The following PTPRD variants were observed in gnomAD, a reference collection of about 807,000 sequenced individuals.
PTPRD encodes protein tyrosine phosphatase receptor type D, also known as receptor-type tyrosine-protein phosphatase delta.
In PTPRD, 34 loss-of-function variants were observed where a neutral mutation model predicts 214.5. The ratio of observed to expected loss-of-function variants is 0.16; its 90% confidence interval spans 0.12 to 0.21. PTPRD has a LOEUF of 0.21. PTPRD is among the 10% of genes least tolerant of loss of function. The pLI, the probability that PTPRD is intolerant of heterozygous loss-of-function variation, is 1.00. For missense variants in PTPRD, 2,545 were observed against 2,398.7 expected (o/e 1.06, Z -1.27); for synonymous variants, 1,128 against 845.7 (o/e 1.33, Z -5.79).
At chr9:9,736,169 T>C (rs781210594) in intron 6 of PTPRD, among the ~76,000 whole-genome samples, 8 of 152,158 alleles carry the variant, frequency 5.3e-5, no homozygotes, top group East Asian at 1.9e-4. Context: ...ATTGAATATA[T>C]TGTACACTGT....
intron 4 of PTPRD, among the ~76,000 whole-genome samples, chr9:10,030,497 C>G (rs1238232482): frequency 6.6e-6 from 1 of 152,014 alleles, no homozygotes; most frequent in African/African-American, 2.4e-5. Context: ...ACCCTTGAAG[C>G]TACAAGAGTA....
chr9:9,330,999 T>C (rs2136538128), intron 9 of PTPRD, among the ~76,000 whole-genome samples: 1 of 152,040 alleles, frequency 6.6e-6, no homozygotes, highest in South Asian at 2.1e-4. Context: ...AGAGTAAATC[T>C]GGTCATTTGG....
At position 9,634,771 on chromosome 9, in the gene PTPRD, T is replaced by C. The variant is rs140273920; in HGVS notation, c.-286-59990A>G. 2.0e-5 allele frequency among the ~76,000 whole-genome samples: 3 copies of C among 152,286 alleles called. No individual in the cohort carries two copies. The East Asian group carries it at 5.8e-4, about 29-fold the overall frequency. Reference sequence around the variant, plus strand: ...GTATATATTTTAATTTGAATGTGTATAGAGTTAAGTGTATAATATAACATC... The same window carrying C: ...GTATATATTTTAATTTGAATGTGTACAGAGTTAAGTGTATAATATAACATC... On this transcript the variant is annotated intron_variant, in intron 7 of 45. Transcript: ENST00000381196.
At chr9:9,653,304 T>C (rs1289180248) in intron 7 of PTPRD, among the ~76,000 whole-genome samples, 1 of 119,032 alleles carries the variant, frequency 8.4e-6, no homozygotes, top group African/African-American at 3.2e-5. Context: ...ATTGCGCCAC[T>C]GCAGTCCGCA....
chr9:9,719,799 G>A (rs76354318), intron 7 of PTPRD, among the ~76,000 whole-genome samples: 31 of 152,268 alleles, frequency 2.0e-4, no homozygotes, highest in African/African-American at 7.0e-4. Context: ...GCTTTCAGGC[G>A]CACTGCATTC....
intron 8 of PTPRD, among the ~76,000 whole-genome samples, chr9:9,452,870 C>T (rs2092439752): frequency 6.6e-6 from 1 of 151,420 alleles, no homozygotes; most frequent in African/African-American, 2.4e-5. Context: ...ATTTTATTTG[C>T]TCAAGCTCTT....
intron 31 of PTPRD, among the ~76,000 whole-genome samples, chr9:8,467,799 C>T (rs976528622): frequency 6.6e-6 from 1 of 151,398 alleles, no homozygotes; most frequent in Non-Finnish European, 1.5e-5. Flanking sequence ...AAATCCGATA[C>T]CAAATATTTA....
At chr9:10,040,144 C>T (rs2097268884) in intron 3 of PTPRD, among the ~76,000 whole-genome samples, 1 of 151,890 alleles carries the variant, frequency 6.6e-6, no homozygotes, top group East Asian at 1.9e-4. Context: ...AAAATAAGCT[C>T]AAATTAGAGA....
intron 3 of PTPRD, among the ~76,000 whole-genome samples, chr9:10,301,347 A>T (rs972130678): frequency 2.6e-5 from 4 of 152,210 alleles, no homozygotes; most frequent in Non-Finnish European, 5.9e-5. Flanking sequence ...TCCAAAAACC[A>T]GAACTCTTCT....
chr9:8,455,200 T>G (rs1265245654), intron 33 of PTPRD, among the ~76,000 whole-genome samples: 1 of 152,188 alleles, frequency 6.6e-6, no homozygotes, highest in Admixed American at 6.5e-5. Context: ...AAGGATTAAG[T>G]GCATCTTCAG....
Position 8,806,312 on chromosome 9 carries a change from C to G in PTPRD, c.-103-72366G>C, listed in dbSNP as rs145049998. Among the ~76,000 whole-genome samples, 384 of 151,696 alleles carry G rather than the reference C, an allele frequency of 2.5e-3. 2 individuals carry two copies. Among genetic ancestry groups the G allele is most frequent in the African/African-American group, 8.9e-3 (366 of 41,354 alleles). Reference sequence around the variant, plus strand: ...CACATATTAATGTGTGCATAAATATCACACTTTCATTTCCAAAGAGTTATA... The same window carrying G: ...CACATATTAATGTGTGCATAAATATGACACTTTCATTTCCAAAGAGTTATA... On this transcript the variant is annotated intron_variant, in intron 11 of 45. Transcript: ENST00000381196.
chr9:10,434,633 G>C (rs1247199259), intron 2 of PTPRD, among the ~76,000 whole-genome samples: 2 of 151,828 alleles, frequency 1.3e-5, no homozygotes, highest in African/African-American at 4.8e-5. Flanking sequence ...TCACAACAAA[G>C]CCTATACTTA....
intron 33 of PTPRD, among the ~76,000 whole-genome samples, chr9:8,453,473 T>G (rs912989618): frequency 6.6e-6 from 1 of 152,186 alleles, no homozygotes; most frequent in Admixed American, 6.5e-5. Flanking sequence ...CGATGAAAGG[T>G]AGTATTTTAA....
intron 10 of PTPRD, among the ~76,000 whole-genome samples, chr9:9,165,330 G>C (rs891510540): frequency 6.6e-6 from 1 of 152,164 alleles, no homozygotes; most frequent in African/African-American, 2.4e-5. Flanking sequence ...ATTTTGAGGA[G>C]AGAAGGAAGA....
At chr9:8,883,718 C>T (rs980431973) in intron 11 of PTPRD, among the ~76,000 whole-genome samples, 5 of 152,146 alleles carry the variant, frequency 3.3e-5, no homozygotes, top group Admixed American at 2.0e-4. Context: ...TTCTTTTATA[C>T]AGGTCTTGTA....
intron 4 of PTPRD, among the ~76,000 whole-genome samples, chr9:10,004,889 G>T (rs1171082628): frequency 6.6e-6 from 1 of 152,074 alleles, no homozygotes; most frequent in South Asian, 2.1e-4. Flanking sequence ...TCATTCCCTC[G>T]AAGGACTGGC....
Position 9,049,578 on chromosome 9 carries a change from A to AT in PTPRD, c.-142-30844dup, listed in dbSNP as rs143145487. 4.3e-3 allele frequency among the ~76,000 whole-genome samples: 650 copies of AT among 151,134 alleles called. 5 individuals carry two copies. The highest frequency in any genetic ancestry group is 0.014 in the South Asian group (68 of 4,780). On this transcript the variant is annotated intron_variant, in intron 10 of 45. Transcript: ENST00000381196. ...GGGAATAGCATATTTTCAAAAAGTC[A>AT]TTTTTTTTTAGCAAAACGTTCCGAT...
chr9:8,359,586 A>T (rs2077938596), intron 39 of PTPRD, among the ~76,000 whole-genome samples: 1 of 152,098 alleles, frequency 6.6e-6, no homozygotes, highest in African/African-American at 2.4e-5. Context: ...CACCTGCCTC[A>T]GCCTCCCAAA....
At chr9:9,137,527 T>C (rs992898532) in intron 10 of PTPRD, among the ~76,000 whole-genome samples, 1 of 152,164 alleles carries the variant, frequency 6.6e-6, no homozygotes, top group African/African-American at 2.4e-5. Flanking sequence ...TCCAAAGTTA[T>C]AAAATTATTA....
Sources: allele counts gnomAD v4.1 joint callset (sites outside exome capture counted in the v4.1 genomes callset), GRCh38; gene constraint gnomAD v4.1.1; transcripts MANE v1.5; gene names NCBI Gene and HGNC (gene_info 2026-07-23, HGNC 2026-07-21).